The following NTRK2 variants were observed in gnomAD, a reference collection of about 807,000 sequenced individuals.
The protein encoded by NTRK2 is neurotrophic receptor tyrosine kinase 2.
In NTRK2, 13 loss-of-function variants were observed where a neutral mutation model predicts 94.5. That is an observed-to-expected ratio of 0.14 (90% CI 0.09 to 0.22). The LOEUF (loss-of-function observed/expected upper bound fraction) is 0.22. Among genes scored for constraint, NTRK2 ranks in the 10% least tolerant of loss-of-function variants. The pLI is 1.00. For missense variants in NTRK2, 639 were observed against 1,071.2 expected, an observed-to-expected ratio of 0.60 and a Z score of 5.63; for synonymous variants, 372 against 407.4, an observed-to-expected ratio of 0.91 and a Z score of 1.05.
At chr9:84,866,565 G>T (rs190610788) in intron 13 of NTRK2, among the ~76,000 whole-genome samples, 2 of 152,162 alleles carry the variant, frequency 1.3e-5, no homozygotes, top group Admixed American at 6.5e-5. Flanking sequence ...AGAGAGGAAA[G>T]CTACGTATTA....
intron 17 of NTRK2, among the ~76,000 whole-genome samples, chr9:84,994,681 C>T (rs150797868): frequency 1.7e-4 from 26 of 152,270 alleles, no homozygotes; most frequent in Admixed American, 7.8e-4. Flanking sequence ...TGACAGAATC[C>T]GTGTGTGGCT....
At chr9:84,826,639 G>C (rs2073209351) in intron 12 of NTRK2, among the ~76,000 whole-genome samples, 1 of 152,122 alleles carries the variant, frequency 6.6e-6, no homozygotes, top group Non-Finnish European at 1.5e-5. Context: ...CCATGATGTG[G>C]ACGTATCCCC....
chr9:84,687,836 C>G (rs1564053925), intron 2 of NTRK2, among the ~76,000 whole-genome samples: 1 of 152,088 alleles, frequency 6.6e-6, no homozygotes, highest in East Asian at 1.9e-4. Context: ...CCATTTATAC[C>G]TTTTATATGG....
chr9:85,023,525 A>G lies in NTRK2; in HGVS notation c.*2088A>G, dbSNP rs555858368. On this transcript the variant is annotated 3_prime_UTR_variant, in exon 19 of 19. Transcript: ENST00000277120. ...AGTTGACAAGATAAACCTTACGTCC[A>G]TTCAAGTTATATGCTGGCCTATGAG... The G allele has an allele frequency of 4.3e-6, 1 of 232,774 alleles. No individual in the cohort carries two copies. Among genetic ancestry groups the G allele is most frequent in the East Asian group, 6.1e-5 (1 of 16,508 alleles). 14.4% of individuals were successfully genotyped at this position (232,774 alleles called of 1,614,324 possible).
At chr9:84,940,543 A>G (rs765357594) in intron 15 of NTRK2, among the ~76,000 whole-genome samples, 5 of 152,218 alleles carry the variant, frequency 3.3e-5, no homozygotes, top group Admixed American at 6.5e-5. Context: ...TCTTCCAATT[A>G]GTCATCTGCA....
chr9:84,874,190 G>C (rs202166910), intron 14 of NTRK2: 5 of 1,065,104 alleles, frequency 4.7e-6, no homozygotes, highest in Non-Finnish European at 5.7e-6. Context: ...TTGTGGACCA[G>C]GACCAGCTGA....
At chr9:85,018,970 G>A (rs1004638019) in intron 17 of NTRK2, among the ~76,000 whole-genome samples, 36 of 152,256 alleles carry the variant, frequency 2.4e-4, no homozygotes, top group Middle Eastern at 3.4e-3. Context: ...AAATTTGGAT[G>A]CATCATACAG....
At chr9:84,732,562 A>T (rs1262798054) in intron 9 of NTRK2, among the ~76,000 whole-genome samples, 1 of 152,190 alleles carries the variant, frequency 6.6e-6, no homozygotes, top group Non-Finnish European at 1.5e-5. Flanking sequence ...TCAGCTGCAG[A>T]TAGAATCTCA....
intron 2 of NTRK2, among the ~76,000 whole-genome samples, chr9:84,697,358 G>A (rs2060448216): frequency 6.6e-6 from 1 of 152,176 alleles, no homozygotes; most frequent in Non-Finnish European, 1.5e-5. Context: ...AGTGGGCCTA[G>A]GTTAGAGGAG....
intron 12 of NTRK2, among the ~76,000 whole-genome samples, chr9:84,783,649 T>C (rs1208855556): frequency 2.0e-5 from 3 of 151,750 alleles, no homozygotes; most frequent in South Asian, 2.1e-4. Flanking sequence ...AGTGTGAGAG[T>C]TGGGGAAAGA....
chr9:84,924,293 A>AAGAG (rs538880963), intron 14 of NTRK2, among the ~76,000 whole-genome samples: 1 of 146,610 alleles, frequency 6.8e-6, no homozygotes, highest in Admixed American at 6.8e-5. Flanking sequence ...GAAAGAAAGA[A>AAGAG]AGAGGAAAAA....
intron 6 of NTRK2, among the ~76,000 whole-genome samples, chr9:84,716,658 G>C (rs1010105948): frequency 6.6e-6 from 1 of 152,114 alleles, no homozygotes; most frequent in Non-Finnish European, 1.5e-5. Context: ...TACTGCTTTG[G>C]TTTAATTTTC....
intron 14 of NTRK2, among the ~76,000 whole-genome samples, chr9:84,919,085 T>C (rs551961829): frequency 6.6e-6 from 1 of 152,306 alleles, no homozygotes; most frequent in South Asian, 2.1e-4. Context: ...CCTTGCGTCA[T>C]ACCCCTGATT....
At position 84,764,574 on chromosome 9, in the gene NTRK2, A is replaced by G. The variant is rs371497992; in HGVS notation, c.1396+12489A>G. On this transcript the variant is annotated intron_variant, in intron 12 of 18. Coordinates refer to ENST00000277120, the MANE Select transcript of NTRK2 (RefSeq NM_006180.6). ...AAGTTACAGTTAATAGGATCACTAT[A>G]TCAAAAATATTATTTTATTATAAGA... Among the ~76,000 whole-genome samples, 3 of 152,208 alleles carry G rather than the reference A, an allele frequency of 2.0e-5. No homozygotes were observed. The East Asian group carries it at 5.8e-4, about 29-fold the overall frequency.
intron 12 of NTRK2, chr9:84,812,542 G>A (rs200538623): frequency 2.9e-6 from 3 of 1,046,752 alleles, no homozygotes; most frequent in Non-Finnish European, 3.5e-6. Flanking sequence ...TTTCCCAAAG[G>A]TGTTGATTTA....
chr9:85,002,798 AG>A (rs1457863990), intron 17 of NTRK2, among the ~76,000 whole-genome samples: 1 of 152,238 alleles, frequency 6.6e-6, no homozygotes, highest in East Asian at 1.9e-4. Context: ...CAAGTAGGGC[AG>A]GGACAGCAGG....
intron 12 of NTRK2, chr9:84,811,610 A>G (rs1332291184): frequency 2.8e-6 from 3 of 1,065,264 alleles, no homozygotes; most frequent in Admixed American, 1.1e-4. Context: ...AGGAGAGGAG[A>G]TTCTAAGAAG....
chr9:84,711,294 G>A (rs919066189), intron 6 of NTRK2, among the ~76,000 whole-genome samples: 4 of 152,162 alleles, frequency 2.6e-5, no homozygotes, highest in Non-Finnish European at 4.4e-5. Flanking sequence ...CCCCAAGTCT[G>A]CCATGCCACG....
At chr9:84,906,976 C>T (rs2077092414) in intron 14 of NTRK2, among the ~76,000 whole-genome samples, 1 of 151,984 alleles carries the variant, frequency 6.6e-6, no homozygotes, top group African/African-American at 2.4e-5. Flanking sequence ...AAATTTTAAC[C>T]AATTATGTAA....
Sources: allele counts gnomAD v4.1 joint callset (sites outside exome capture counted in the v4.1 genomes callset), GRCh38; gene constraint gnomAD v4.1.1; transcripts MANE v1.5; gene names NCBI Gene and HGNC (gene_info 2026-07-23, HGNC 2026-07-21).